CACNG2: variants seen among roughly 807,000 people sequenced by gnomAD.
The protein encoded by CACNG2 is voltage-dependent calcium channel gamma-2 subunit.
A neutral mutation model predicts 25.9 loss-of-function variants in CACNG2; 3 were observed. The ratio of observed to expected loss-of-function variants is 0.12; its 90% CI spans 0.05 to 0.30. CACNG2 has a LOEUF of 0.30. Among genes scored for constraint, CACNG2 ranks in the 10% least tolerant of loss-of-function variants. CACNG2 has a pLI of 1.00. For missense variants in CACNG2, 341 were observed against 432.5 expected, an observed-to-expected ratio of 0.79 and a Z score of 1.88; for synonymous variants, 167 against 173.3, an observed-to-expected ratio of 0.96 and a Z score of 0.29.
At chr22:36,666,006 A>G (rs1357494673) in intron 1 of CACNG2, among the ~76,000 whole-genome samples, 1 of 152,244 alleles carries the variant, frequency 6.6e-6, no homozygotes, top group Non-Finnish European at 1.5e-5. Flanking sequence ...AAAACTGGGT[A>G]TATACATATG....
At chr22:36,637,970 C>T (rs890799516) in intron 1 of CACNG2, among the ~76,000 whole-genome samples, 2 of 151,134 alleles carry the variant, frequency 1.3e-5, no homozygotes, top group African/African-American at 4.9e-5. Context: ...TGCAGTGAGC[C>T]AAGATCGTGC....
intron 1 of CACNG2, among the ~76,000 whole-genome samples, chr22:36,687,213 T>G (rs1431112078): frequency 2.0e-5 from 3 of 152,200 alleles, no homozygotes; most frequent in African/African-American, 4.8e-5. Context: ...TGTTAACCGG[T>G]TTGTGGAGCC....
At chr22:36,667,948 C>T (rs993987439) in intron 1 of CACNG2, among the ~76,000 whole-genome samples, 1 of 152,246 alleles carries the variant, frequency 6.6e-6, no homozygotes, top group Non-Finnish European at 1.5e-5. Context: ...ATGTTCACCA[C>T]CACCATCAAA....
intron 1 of CACNG2, among the ~76,000 whole-genome samples, chr22:36,650,778 C>T (rs1276240441): frequency 6.6e-6 from 1 of 152,178 alleles, no homozygotes; most frequent in Non-Finnish European, 1.5e-5. Context: ...CCTGGGCCTC[C>T]CAGAATGCTG....
At chr22:36,625,480 G>C (rs957938743) in intron 1 of CACNG2, among the ~76,000 whole-genome samples, 1 of 152,114 alleles carries the variant, frequency 6.6e-6, no homozygotes, top group Non-Finnish European at 1.5e-5. Flanking sequence ...GTGTCCCCAG[G>C]GTCTAGATAG....
intron 1 of CACNG2, among the ~76,000 whole-genome samples, chr22:36,663,489 GT>G (rs903016406): frequency 6.9e-6 from 1 of 144,096 alleles, no homozygotes; most frequent in Non-Finnish European, 1.5e-5. Flanking sequence ...GGCATCCTGA[GT>G]TTTTTTCTTT....
chr22:36,661,631 T>C (rs905087147), intron 1 of CACNG2, among the ~76,000 whole-genome samples: 1 of 152,106 alleles, frequency 6.6e-6, no homozygotes, highest in Non-Finnish European at 1.5e-5. Flanking sequence ...GAAGGCAGAG[T>C]AGTTTTTGTA....
intron 2 of CACNG2, 139 bp from the exon 3 acceptor site, chr22:36,566,632 T>C: frequency 1.1e-6 from 1 of 936,568 alleles, no homozygotes; most frequent in Non-Finnish European, 1.7e-6. Context: ...TTTGCAATCC[T>C]AGGGAGGGAG....
intron 1 of CACNG2, among the ~76,000 whole-genome samples, chr22:36,629,074 A>T (rs1057455074): frequency 6.6e-6 from 1 of 152,166 alleles, no homozygotes. Context: ...AATGATTCAG[A>T]GAAGTGTTTG....
chr22:36,657,454 G>C (rs778667934), intron 1 of CACNG2, among the ~76,000 whole-genome samples: 3 of 152,164 alleles, frequency 2.0e-5, no homozygotes, highest in Admixed American at 6.5e-5. Context: ...GCCTGGCCTG[G>C]ACTCGGGAGG....
intron 1 of CACNG2, among the ~76,000 whole-genome samples, chr22:36,647,260 C>T (rs556035922): frequency 6.6e-6 from 1 of 152,260 alleles, no homozygotes; most frequent in Admixed American, 6.5e-5. Flanking sequence ...CACTCTTGCT[C>T]CTCCAATTTT....
intron 1 of CACNG2, among the ~76,000 whole-genome samples, chr22:36,656,281 T>C (rs947516679): frequency 2.6e-5 from 4 of 152,198 alleles, no homozygotes; most frequent in African/African-American, 7.2e-5. Flanking sequence ...CAGTTATGGT[T>C]CTAATGAATG....
At chr22:36,654,322 G>A (rs1359771649) in intron 1 of CACNG2, among the ~76,000 whole-genome samples, 2 of 152,084 alleles carry the variant, frequency 1.3e-5, no homozygotes, top group Admixed American at 6.6e-5. Context: ...CTGGAGTGCG[G>A]TGGCTTGATC....
Position 36,702,624 on chromosome 22 carries a change from G to C in CACNG2, c.-48C>G. On this transcript the variant is annotated 5_prime_UTR_variant, in exon 1 of 4. Transcript: ENST00000300105. ...CAACCGACTTCTGGTTCTCGGGAGA[G>C]TGTGTGTGAGGGTGCAAGTACTAAA... 1 of 1,491,144 alleles carries C rather than the reference G, an allele frequency of 6.7e-7. No individual in the cohort carries two copies. The highest frequency in any genetic ancestry group is 9.4e-7 in the Non-Finnish European group (1 of 1,067,990). The allele number at this position is 1,491,144 out of a possible 1,614,324, so 92.4% of individuals were successfully genotyped here.
intron 1 of CACNG2, among the ~76,000 whole-genome samples, chr22:36,653,866 C>G (rs1422154130): frequency 6.6e-6 from 1 of 151,800 alleles, no homozygotes; most frequent in Non-Finnish European, 1.5e-5. Context: ...CCAGGATTCC[C>G]ACATTATAAG....
chr22:36,655,842 T>C (rs556903422), intron 1 of CACNG2, among the ~76,000 whole-genome samples: 16 of 151,036 alleles, frequency 1.1e-4, no homozygotes, highest in Non-Finnish European at 1.9e-4. Flanking sequence ...AGTTTCGCTC[T>C]TGTTGCCCAG....
At chr22:36,671,414 G>A (rs1936947186) in intron 1 of CACNG2, among the ~76,000 whole-genome samples, 1 of 152,088 alleles carries the variant, frequency 6.6e-6, no homozygotes, top group Admixed American at 6.6e-5. Flanking sequence ...CAGCTGATTG[G>A]CTTAAATAAT....
At chr22:36,633,513 C>T (rs145640777) in intron 1 of CACNG2, among the ~76,000 whole-genome samples, 1 of 152,322 alleles carries the variant, frequency 6.6e-6, no homozygotes, top group Non-Finnish European at 1.5e-5. Context: ...AACAGAATTA[C>T]TGATGCTCAA....
intron 1 of CACNG2, among the ~76,000 whole-genome samples, chr22:36,627,995 A>G (rs149168640): frequency 6.6e-6 from 1 of 152,344 alleles, no homozygotes; most frequent in East Asian, 1.9e-4. Flanking sequence ...TGCATACAAT[A>G]TGAACTGAAT....
Sources: gnomAD v4.1 joint callset for allele counts (sites outside exome capture counted in the v4.1 genomes callset) on GRCh38, gnomAD v4.1.1 for gene constraint, MANE v1.5 for transcripts, NCBI Gene and HGNC (gene_info 2026-07-23, HGNC 2026-07-21) for gene names.